FGGY: variants seen among roughly 807,000 people sequenced by gnomAD.
FGGY encodes FGGY carbohydrate kinase domain-containing protein.
In FGGY, 72 loss-of-function variants were observed where a neutral mutation model predicts 71.3. The ratio of observed to expected loss-of-function variants is 1.01; its 90% CI spans 0.84 to 1.23. The LOEUF is 1.23. Among genes scored for constraint, FGGY ranks in the 50% most tolerant of loss-of-function variants. The pLI is 0.00. For synonymous variants in FGGY, 251 were observed against 250.3 expected, an observed-to-expected ratio of 1.00 and a Z score of -0.02; for missense variants, 668 against 682.3, an observed-to-expected ratio of 0.98 and a Z score of 0.23.
intron 4 of FGGY, among the ~76,000 whole-genome samples, chr1:59,353,963 G>A (rs545458266): frequency 1.3e-5 from 2 of 152,140 alleles, no homozygotes; most frequent in South Asian, 2.1e-4. Context: ...GAAAATAGAT[G>A]AAAATAAGAG....
intron 9 of FGGY, among the ~76,000 whole-genome samples, chr1:59,614,677 G>C (rs928682006): frequency 2.0e-5 from 3 of 152,042 alleles, no homozygotes; most frequent in African/African-American, 7.2e-5. Context: ...GGAAATAAAG[G>C]GTATTCAATT....
intron 6 of FGGY, among the ~76,000 whole-genome samples, chr1:59,491,116 C>CTCCTTCCT (rs74185346): frequency 1.9e-5 from 1 of 52,542 alleles, no homozygotes; most frequent in Non-Finnish European, 3.5e-5. Flanking sequence ...CCCTCCTTCC[C>CTCCTTCCT]TCCTTCCTTC....
chr1:59,313,989 T>A (rs1401250917), intron 1 of FGGY, among the ~76,000 whole-genome samples: 1 of 151,440 alleles, frequency 6.6e-6, no homozygotes, highest in Non-Finnish European at 1.5e-5. Flanking sequence ...TGAGACAGAA[T>A]CTCGCTTTGT....
intron 8 of FGGY, among the ~76,000 whole-genome samples, chr1:59,590,407 A>G (rs1336169447): frequency 6.6e-6 from 1 of 152,238 alleles, no homozygotes; most frequent in African/African-American, 2.4e-5. Flanking sequence ...CAATCAATAG[A>G]AAAAGAGGTT....
intron 4 of FGGY, among the ~76,000 whole-genome samples, chr1:59,372,027 A>C (rs945936744): frequency 9.2e-5 from 14 of 152,268 alleles, no homozygotes; most frequent in South Asian, 4.1e-4. Flanking sequence ...ACACATTCAA[A>C]AGCTAGCAGA....
chr1:59,532,213 T>C (rs2095165583), intron 7 of FGGY, among the ~76,000 whole-genome samples: 1 of 152,148 alleles, frequency 6.6e-6, no homozygotes, highest in African/African-American at 2.4e-5. Flanking sequence ...AGATTAAGAA[T>C]TGACTAAATG....
At chr1:59,412,558 A>T (rs2063760235) in intron 5 of FGGY, among the ~76,000 whole-genome samples, 1 of 151,900 alleles carries the variant, frequency 6.6e-6, no homozygotes, top group Non-Finnish European at 1.5e-5. Context: ...TGTCTCGGGG[A>T]CCCAGGAAAA....
At chr1:59,592,938 TAATAA>T (rs1444594156) in intron 8 of FGGY, among the ~76,000 whole-genome samples, 1 of 151,930 alleles carries the variant, frequency 6.6e-6, no homozygotes, top group African/African-American at 2.4e-5. Flanking sequence ...ACTATAGTAA[TAATAA>T]AATAAGAAAA....
chr1:59,472,248 G>A (rs893640278), intron 6 of FGGY, among the ~76,000 whole-genome samples: 63 of 152,366 alleles, frequency 4.1e-4, no homozygotes, highest in African/African-American at 1.5e-3. Flanking sequence ...ACCGGCCCAG[G>A]GCAGTGAGGG....
At position 59,630,350 on chromosome 1, in the gene FGGY, A is replaced by C. The variant is rs75858822; in HGVS notation, c.1073+4301A>C. 8.3e-3 allele frequency among the ~76,000 whole-genome samples: 1,262 copies of C among 152,212 alleles called. 22 individuals carry two copies. Among genetic ancestry groups the C allele is most frequent in the African/African-American group, 0.029 (1,202 of 41,532 alleles). ...AGGAGGAAGTTTGGTGGTGGTTGCT[A>C]TGGGTTCAAGCAGCATACGTCAGTC... On this transcript the variant is annotated intron_variant, in intron 10 of 15. Transcript: ENST00000303721.
chr1:59,694,979 A>G (rs1026623062), intron 14 of FGGY, among the ~76,000 whole-genome samples: 4 of 152,236 alleles, frequency 2.6e-5, no homozygotes, highest in Non-Finnish European at 5.9e-5. Context: ...TTACTTTGCT[A>G]AAGTTTCAAG....
intron 11 of FGGY, among the ~76,000 whole-genome samples, chr1:59,648,831 A>G (rs2097126740): frequency 2.6e-5 from 4 of 152,266 alleles, no homozygotes; most frequent in South Asian, 4.1e-4. Flanking sequence ...GCCCATGCCT[A>G]TGTCCTGAAT....
At chr1:59,679,465 C>T (rs1470335875) in intron 14 of FGGY, among the ~76,000 whole-genome samples, 2 of 151,704 alleles carry the variant, frequency 1.3e-5, no homozygotes, top group Non-Finnish European at 2.9e-5. Context: ...TCCCATTTCT[C>T]GGTGCATTCA....
chr1:59,615,442 T>C (rs1377871212), intron 9 of FGGY, among the ~76,000 whole-genome samples: 1 of 152,164 alleles, frequency 6.6e-6, no homozygotes, highest in Non-Finnish European at 1.5e-5. Context: ...TGGCTAGCCA[T>C]ATGGAGAAAG....
intron 5 of FGGY, 114 bp downstream of exon 5, chr1:59,378,951 G>A (rs1000571708): frequency 1.2e-6 from 1 of 803,074 alleles, no homozygotes; most frequent in Non-Finnish European, 2.0e-6. Flanking sequence ...ATCTGCATGT[G>A]ATTTTGCATA....
intron 4 of FGGY, among the ~76,000 whole-genome samples, chr1:59,375,885 T>TG (rs2058586597): frequency 6.6e-6 from 1 of 151,006 alleles, no homozygotes; most frequent in South Asian, 2.1e-4. Flanking sequence ...AGTAGTTTTT[T>TG]TTTTTTTTTT....
chr1:59,646,970 A>G (rs1440149205), intron 11 of FGGY, among the ~76,000 whole-genome samples: 1 of 152,236 alleles, frequency 6.6e-6, no homozygotes, highest in African/African-American at 2.4e-5. Flanking sequence ...CTATCACAGA[A>G]TCAGACTTTC....
At chr1:59,522,660 G>A (rs986886123) in intron 7 of FGGY, among the ~76,000 whole-genome samples, 1 of 152,124 alleles carries the variant, frequency 6.6e-6, no homozygotes, top group African/African-American at 2.4e-5. Flanking sequence ...TAATCTTTTT[G>A]TAGTGACTTG....
chr1:59,616,900 A>G lies in FGGY; in HGVS notation c.1011+8990A>G, dbSNP rs138050292. Among the ~76,000 whole-genome samples, 5 of 152,232 alleles carry G rather than the reference A, an allele frequency of 3.3e-5. No homozygotes were observed. The East Asian group carries it at 9.6e-4, about 29-fold the overall frequency. On this transcript the variant is annotated intron_variant, in intron 9 of 15. Transcript: ENST00000303721. The stretch of plus-strand genomic sequence containing the variant: ...ATCTGTATTTTATAGTTAAGTGACT[A>G]AAGGTAGCAATTACAGCCTGGAGAG...
Sources: allele counts gnomAD v4.1 joint callset (sites outside exome capture counted in the v4.1 genomes callset), GRCh38; gene constraint gnomAD v4.1.1; transcripts MANE v1.5; gene names NCBI Gene and HGNC (gene_info 2026-07-23, HGNC 2026-07-21).